The following CNNM4 variants were observed in gnomAD, a reference collection of about 807,000 sequenced individuals.
CNNM4 encodes the protein metal transporter CNNM4.
CNNM4 carries 32 observed loss-of-function variants against 53.7 expected under a neutral mutation model. The ratio of observed to expected loss-of-function variants is 0.60; its 90% CI spans 0.45 to 0.80. The LOEUF (loss-of-function observed/expected upper bound fraction) is 0.80, where lower values mean the gene tolerates loss of function less well. Ranked by LOEUF, CNNM4 falls within the 30% of genes least tolerant of loss-of-function variation. The probability of loss-of-function intolerance (pLI) is 0.00; values close to 1 mark genes in which losing one functional copy is unlikely to be tolerated. For missense variants in CNNM4, 784 were observed against 1,022.0 expected (o/e 0.77, Z 3.17); for synonymous variants, 410 against 440.0 (o/e 0.93, Z 0.85).
At chr2:96,774,477 G>A (rs183767704) in intron 1 of CNNM4, among the ~76,000 whole-genome samples, 3 of 152,168 alleles carry the variant, frequency 2.0e-5, no homozygotes, top group African/African-American at 7.2e-5. Context: ...GCCTGTGCCT[G>A]TGTTAGTGGT....
chr2:96,797,471 T>G lies in CNNM4; in HGVS notation c.1547-42T>G, dbSNP rs779829101. 10 of 1,611,108 alleles carry G rather than the reference T, an allele frequency of 6.2e-6. No homozygotes were observed. The highest frequency in any genetic ancestry group is 8.5e-6 in the Non-Finnish European group (10 of 1,179,988). On this transcript the variant is annotated intron_variant, in intron 2 of 6. Transcript: ENST00000377075. The surrounding 1 kb of genome is among the most constrained non-coding windows in gnomAD (Gnocchi z 6.0). Reference sequence around the variant, plus strand: ...CGGGTTCCAGTCTCTTCCTAAGTCCTCAGGGGTCTGTGTTCTCAATTCCAC... The same window carrying G: ...CGGGTTCCAGTCTCTTCCTAAGTCCGCAGGGGTCTGTGTTCTCAATTCCAC...
chr2:96,784,243 G>A (rs934804068), intron 1 of CNNM4, among the ~76,000 whole-genome samples: 2 of 152,084 alleles, frequency 1.3e-5, no homozygotes, highest in African/African-American at 4.8e-5. Context: ...CTCTAGCCTG[G>A]GTGGCAGCAA....
Position 96,800,860 on chromosome 2 carries a change from C to T in CNNM4, c.1948+1212C>T, listed in dbSNP as rs756132428. ...TGTGGCCAGAAGAGAGGGGAGATGA[C>T]TGGGCACACTCAGCCAGCTTCTGCC... On this transcript the variant is annotated intron_variant, in intron 5 of 6. Transcript: ENST00000377075. This position sits in a 1 kb window ranked among gnomAD's most constrained non-coding sequence, Gnocchi z 4.6. 1.4e-5 allele frequency among the ~76,000 whole-genome samples: 2 copies of T among 147,468 alleles called. No homozygotes were observed. Among genetic ancestry groups the T allele is most frequent in the Non-Finnish European group, 2.9e-5 (2 of 68,018 alleles).
At chr2:96,796,576 A>G (rs926757189) in intron 1 of CNNM4, among the ~76,000 whole-genome samples, 1 of 152,114 alleles carries the variant, frequency 6.6e-6, no homozygotes, top group African/African-American at 2.4e-5. Context: ...AGCTTGAGCA[A>G]CATAGCGAGA....
intron 1 of CNNM4, among the ~76,000 whole-genome samples, chr2:96,766,006 ACTC>A (rs1255510662): frequency 6.8e-6 from 1 of 148,000 alleles, no homozygotes; most frequent in Non-Finnish European, 1.5e-5. Context: ...CTGGTTGCGA[ACTC>A]CTGACCTCAG....
intron 1 of CNNM4, among the ~76,000 whole-genome samples, chr2:96,795,782 T>G (rs2079098149): frequency 6.6e-6 from 1 of 152,186 alleles, no homozygotes; most frequent in South Asian, 2.1e-4. Flanking sequence ...GCTCCAAACC[T>G]GTGTTCCTGC....
At chr2:96,804,061 G>C (rs892915114) in intron 5 of CNNM4, among the ~76,000 whole-genome samples, 8 of 151,118 alleles carry the variant, frequency 5.3e-5, no homozygotes, top group South Asian at 2.1e-4. Flanking sequence ...ACCATGCTGG[G>C]CAATTTTTTT....
intron 5 of CNNM4, among the ~76,000 whole-genome samples, chr2:96,807,412 C>G (rs1409830750): frequency 6.6e-6 from 1 of 151,838 alleles, no homozygotes; most frequent in Non-Finnish European, 1.5e-5. Context: ...CACCAGCAGT[C>G]ATAAGATCGA....
intron 1 of CNNM4, among the ~76,000 whole-genome samples, chr2:96,796,225 A>AC (rs1420064490): frequency 7.3e-6 from 1 of 136,226 alleles, no homozygotes; most frequent in African/African-American, 2.8e-5. Flanking sequence ...GCTCACTGCA[A>AC]CCTCTGCCTC....
chr2:96,777,586 C>T (rs1463335120), intron 1 of CNNM4, among the ~76,000 whole-genome samples: 3 of 151,874 alleles, frequency 2.0e-5, no homozygotes, highest in Non-Finnish European at 4.4e-5. Flanking sequence ...CTGCAACCTC[C>T]ACCTCCTGGG....
At position 96,797,798 on chromosome 2, in the gene CNNM4, C is replaced by G. The variant is rs758486815; in HGVS notation, c.1681+151C>G. ...GCCACCCCTGGAAGGGGCCGGGTATCTGCTCCACCCCTGGGGATCTCCCTG... is the reference window on the plus strand; with the variant it reads ...GCCACCCCTGGAAGGGGCCGGGTATGTGCTCCACCCCTGGGGATCTCCCTG... On this transcript the variant is annotated intron_variant, in intron 3 of 6. Coordinates refer to ENST00000377075, the MANE Select transcript of CNNM4 (RefSeq NM_020184.4). The surrounding 1 kb of genome is among the most constrained non-coding windows in gnomAD (Gnocchi z 6.0). 26 of 1,039,488 alleles carry G rather than the reference C, an allele frequency of 2.5e-5. No homozygotes were observed. The highest frequency in any genetic ancestry group is 2.9e-6 in the Non-Finnish European group (2 of 696,344). The allele number at this position is 1,039,488 out of a possible 1,614,324, so 64.4% of individuals were successfully genotyped here. A position where few individuals can be genotyped will look rare whatever the true frequency, so the allele number is the denominator to read the frequency against.
Position 96,799,089 on chromosome 2 carries a change from G to C in CNNM4, c.1714G>C (p.Glu572Gln). The C allele has an allele frequency of 1.9e-6, 3 of 1,614,170 alleles. No homozygotes were observed. Among genetic ancestry groups the C allele is most frequent in the East Asian group, 4.5e-5 (2 of 44,886 alleles). Residue 572 changes from glutamate (E) to glutamine (Q), a missense_variant, in exon 4 of 7, where the codon GAG becomes CAG. Transcript: ENST00000377075. ...VSQFSPSLIS[E>Q]KILLRLLKYP... ...TCAGTTTAGCCCCTCCCTGATATCA[G>C]AGAAGATCCTGCTGCGGCTACTCAA...
In CNNM4 at chr2:96,765,024, G is replaced by GTTTTTTTTT. The variant is rs1158502593; in HGVS notation, c.1402+2657_1402+2665dup. Among the ~76,000 whole-genome samples, 21 of 41,560 alleles carry GTTTTTTTTT rather than the reference G, an allele frequency of 5.1e-4. 5 individuals are homozygous for GTTTTTTTTT. Among genetic ancestry groups the GTTTTTTTTT allele is most frequent in the African/African-American group, 8.8e-4 (10 of 11,404 alleles). 27.3% of individuals were successfully genotyped at this position (41,560 alleles called of 152,430 possible). A position where few individuals can be genotyped will look rare whatever the true frequency, so the allele number is the denominator to read the frequency against. On this transcript the variant is annotated intron_variant, in intron 1 of 6. Transcript: ENST00000377075. ...GTTTAGGAGTCTGGTGTTGGGAATGGTTTTTTTTTTTTTTTTTTTTTTTTT... is the reference window on the plus strand; with the variant it reads ...GTTTAGGAGTCTGGTGTTGGGAATGGTTTTTTTTTTTTTTTTTTTTTTTTTTTTTTTTTT...
rs898761608 is a variant in CNNM4 at position 96,805,418 on chromosome 2, G to GTTTT, written c.1949-3125_1949-3122dup. 4.3e-3 allele frequency among the ~76,000 whole-genome samples: 327 copies of GTTTT among 76,106 alleles called. 2 individuals carry two copies. The highest frequency in any genetic ancestry group is 7.8e-3 in the African/African-American group (158 of 20,306). The allele number at this position is 76,106 out of a possible 152,430, so 49.9% of individuals were successfully genotyped here. ...GTTGTTATACCCTGGCTTCTTTTCA[G>GTTTT]TTTTTTTTTTTTTTTTTTTTTATTA... On this transcript the variant is annotated intron_variant, in intron 5 of 6. Transcript: ENST00000377075.
chr2:96,794,680 T>G (rs952236064), intron 1 of CNNM4, among the ~76,000 whole-genome samples: 1 of 152,144 alleles, frequency 6.6e-6, no homozygotes, highest in African/African-American at 2.4e-5. Flanking sequence ...TTGTGAAGGT[T>G]GCCTCTCCCT....
intron 5 of CNNM4, among the ~76,000 whole-genome samples, chr2:96,806,343 CTCTT>C (rs1256419031): frequency 1.3e-5 from 2 of 152,020 alleles, no homozygotes; most frequent in African/African-American, 4.8e-5. Context: ...AGACTTCTCT[CTCTT>C]TTTTTTTTAT....
chr2:96,779,205 G>A (rs1028950288), intron 1 of CNNM4, among the ~76,000 whole-genome samples: 8 of 152,234 alleles, frequency 5.3e-5, no homozygotes, highest in Admixed American at 1.3e-4. Context: ...TGATCCGCCC[G>A]CCTCGGCCTC....
chr2:96,802,966 C>T (rs1213818414), intron 5 of CNNM4, among the ~76,000 whole-genome samples: 3 of 152,218 alleles, frequency 2.0e-5, no homozygotes, highest in African/African-American at 7.2e-5. Context: ...CATCTTTCAG[C>T]TCCTCACACC....
Position 96,797,654 on chromosome 2 carries a change from T to C in CNNM4, c.1681+7T>C, listed in dbSNP as rs756063575. The C allele has an allele frequency of 3.7e-6, 6 of 1,613,692 alleles. No individual in the cohort carries two copies. The highest frequency in any genetic ancestry group is 3.4e-6 in the Non-Finnish European group (4 of 1,179,960). On this transcript the variant is annotated splice_region_variant and intron_variant, in intron 3 of 6. Coordinates refer to ENST00000377075, the MANE Select transcript of CNNM4 (RefSeq NM_020184.4). The surrounding 1 kb of genome is among the most constrained non-coding windows in gnomAD (Gnocchi z 6.0). ...CATCGCTTCCTAGCCACAGGTAGCA[T>C]GAGGAGGACCTTCCGGTCTTGGTGG...
Sources: gnomAD v4.1 joint callset for allele counts (sites outside exome capture counted in the v4.1 genomes callset) on GRCh38, gnomAD v4.1.1 for gene constraint, Gnocchi (gnomAD v3.1) non-coding constraint, MANE v1.5 for transcripts, NCBI Gene and HGNC (gene_info 2026-07-23, HGNC 2026-07-21) for gene names.